CSMD1: variants seen among roughly 807,000 people sequenced by gnomAD.
CSMD1 encodes CUB and Sushi multiple domains 1.
CSMD1 carries 213 observed loss-of-function variants against 417.5 expected under a neutral mutation model. The ratio of observed to expected loss-of-function variants is 0.51; its 90% CI spans 0.46 to 0.57. The LOEUF is 0.57. Among genes scored for constraint, CSMD1 ranks in the 20% least tolerant of loss-of-function variants. The pLI, the probability that CSMD1 is intolerant of heterozygous loss-of-function variation, is 0.00. For missense variants in CSMD1, 6,923 were observed against 4,529.7 expected (o/e 1.53, Z -15.17); for synonymous variants, 2,862 against 1,736.8 (o/e 1.65, Z -16.11).
chr8:3,918,614 T>G (rs1808998988), intron 5 of CSMD1, among the ~76,000 whole-genome samples: 1 of 152,154 alleles, frequency 6.6e-6, no homozygotes, highest in Non-Finnish European at 1.5e-5. Flanking sequence ...GTTTGCAATG[T>G]GGAACCAGCA....
At chr8:4,441,118 T>TA (rs1563176354) in intron 2 of CSMD1, among the ~76,000 whole-genome samples, 4 of 142,860 alleles carry the variant, frequency 2.8e-5, no homozygotes, top group South Asian at 2.4e-4. Flanking sequence ...TTTTTTTTTT[T>TA]AAGAGATAGG....
intron 3 of CSMD1, among the ~76,000 whole-genome samples, chr8:4,300,481 C>T (rs1797922870): frequency 1.3e-5 from 2 of 152,180 alleles, no homozygotes; most frequent in Admixed American, 1.3e-4. Flanking sequence ...TACATAAATA[C>T]AGTCTTCTTA....
intron 2 of CSMD1, among the ~76,000 whole-genome samples, chr8:4,594,826 A>G (rs762310544): frequency 2.6e-5 from 4 of 152,166 alleles, no homozygotes; most frequent in Non-Finnish European, 5.9e-5. Context: ...ACCTTAATAG[A>G]TAAGTGTCTA....
chr8:3,262,961 C>T (rs13248596), intron 26 of CSMD1, among the ~76,000 whole-genome samples: 25,634 of 152,142 alleles, frequency 0.17, 2,790 homozygotes, highest in East Asian at 0.28. Context: ...AATTAAAAGA[C>T]GTAATATTCA....
chr8:4,900,659 C>T (rs1159910960), intron 1 of CSMD1, among the ~76,000 whole-genome samples: 1 of 152,184 alleles, frequency 6.6e-6, no homozygotes, highest in African/African-American at 2.4e-5. Flanking sequence ...TCGCCCTACT[C>T]TCTGCTGTCC....
chr8:4,404,571 T>A (rs1291922870), intron 3 of CSMD1, among the ~76,000 whole-genome samples: 1 of 152,154 alleles, frequency 6.6e-6, no homozygotes, highest in Non-Finnish European at 1.5e-5. Context: ...TTTTTAAAAC[T>A]CACTTAAATT....
chr8:4,107,180 A>C (rs1801611891), intron 3 of CSMD1, among the ~76,000 whole-genome samples: 1 of 152,228 alleles, frequency 6.6e-6, no homozygotes, highest in African/African-American at 2.4e-5. Flanking sequence ...AAACAAATGC[A>C]ACAAAAAGGC....
intron 2 of CSMD1, among the ~76,000 whole-genome samples, chr8:4,504,224 G>C (rs916960018): frequency 3.9e-5 from 6 of 152,284 alleles, no homozygotes; most frequent in East Asian, 1.9e-4. Flanking sequence ...AACCAAGTCA[G>C]TTACAGAAAG....
intron 3 of CSMD1, among the ~76,000 whole-genome samples, chr8:4,369,209 A>G (rs1393298794): frequency 3.3e-5 from 5 of 152,132 alleles, no homozygotes; most frequent in Admixed American, 3.3e-4. Flanking sequence ...TCTTTACCTA[A>G]AAGTCATTTG....
chr8:4,554,642 C>T (rs1293592131), intron 2 of CSMD1, among the ~76,000 whole-genome samples: 1 of 152,100 alleles, frequency 6.6e-6, no homozygotes, highest in African/African-American at 2.4e-5. Flanking sequence ...GCTAAGTTGC[C>T]ATAGGCAACA....
intron 52 of CSMD1, among the ~76,000 whole-genome samples, chr8:3,004,802 T>A (rs1807733158): frequency 6.6e-6 from 1 of 152,172 alleles, no homozygotes; most frequent in Non-Finnish European, 1.5e-5. Context: ...TCTGCTCCAG[T>A]GACTCCGTTT....
At chr8:3,329,972 G>C (rs150282242) in intron 23 of CSMD1, among the ~76,000 whole-genome samples, 5 of 152,188 alleles carry the variant, frequency 3.3e-5, no homozygotes, top group Admixed American at 1.3e-4. Context: ...TCTATTGATA[G>C]TTATAGGCAC....
At chr8:4,273,027 A>G (rs1169865848) in intron 3 of CSMD1, among the ~76,000 whole-genome samples, 2 of 152,174 alleles carry the variant, frequency 1.3e-5, no homozygotes, top group Non-Finnish European at 2.9e-5. Flanking sequence ...ATTTCTAACT[A>G]TTATCATTTA....
intron 12 of CSMD1, among the ~76,000 whole-genome samples, chr8:3,459,060 T>A (rs1816331888): frequency 6.6e-6 from 1 of 152,190 alleles, no homozygotes. Flanking sequence ...GGAAGCGGCA[T>A]GAGCGCCAGT....
intron 1 of CSMD1, among the ~76,000 whole-genome samples, chr8:4,664,180 G>C (rs1293948500): frequency 6.6e-6 from 1 of 152,196 alleles, no homozygotes; most frequent in African/African-American, 2.4e-5. Flanking sequence ...GCATCTCAAA[G>C]TAGCCCAGGG....
chr8:3,299,894 G>T (rs1365444314), intron 25 of CSMD1, among the ~76,000 whole-genome samples: 1 of 152,178 alleles, frequency 6.6e-6, no homozygotes, highest in Admixed American at 6.5e-5. Context: ...TGTACTGCTG[G>T]TGGTATATCT....
At chr8:4,586,243 G>A (rs1799693643) in intron 2 of CSMD1, among the ~76,000 whole-genome samples, 1 of 152,116 alleles carries the variant, frequency 6.6e-6, no homozygotes, top group Admixed American at 6.6e-5. Flanking sequence ...ACACTTCCAA[G>A]TACTAGTTCT....
intron 5 of CSMD1, among the ~76,000 whole-genome samples, chr8:3,798,487 C>G (rs765542118): frequency 5.3e-5 from 8 of 151,960 alleles, no homozygotes; most frequent in Admixed American, 2.6e-4. Context: ...TGTGGATATA[C>G]TGCAGAAGGT....
chr8:3,139,375 A>G (rs1380188999), intron 41 of CSMD1, among the ~76,000 whole-genome samples: 1 of 152,208 alleles, frequency 6.6e-6, no homozygotes, highest in Admixed American at 6.5e-5. Context: ...CCAGAGAGAT[A>G]GCAGAATAAC....
Sources: gnomAD v4.1 joint callset for allele counts (sites outside exome capture counted in the v4.1 genomes callset) on GRCh38, gnomAD v4.1.1 for gene constraint, MANE v1.5 for transcripts, NCBI Gene and HGNC (gene_info 2026-07-23, HGNC 2026-07-21) for gene names.